SNX27: variants seen among roughly 807,000 people sequenced by gnomAD.
SNX27 encodes the protein sorting nexin-27.
In SNX27, 22 loss-of-function variants were observed where a neutral mutation model predicts 71.6. That is an observed-to-expected ratio of 0.31 (90% CI 0.22 to 0.44). SNX27 has a LOEUF of 0.44. SNX27 is among the 20% of genes least tolerant of loss of function. SNX27 has a pLI of 1.00. For missense variants in SNX27, 531 were observed against 698.6 expected (o/e 0.76, Z 2.70); for synonymous variants, 269 against 277.2 (o/e 0.97, Z 0.29).
At chr1:151,658,936 G>A (rs1571833622) in intron 3 of SNX27, among the ~76,000 whole-genome samples, 2 of 152,058 alleles carry the variant, frequency 1.3e-5, no homozygotes, top group African/African-American at 4.8e-5. Flanking sequence ...CGCCCACCTC[G>A]GCCTCCCAAA....
chr1:151,617,878 G>GTTTT (rs35075644), intron 1 of SNX27, among the ~76,000 whole-genome samples: 1 of 116,386 alleles, frequency 8.6e-6, no homozygotes. Context: ...TTTTAGAGCT[G>GTTTT]TTTTTTTTTT....
At position 151,698,904 on chromosome 1, in the gene SNX27, A is replaced by G. The variant is rs1671912735; in HGVS notation, c.*4487A>G. On this transcript the variant is annotated 3_prime_UTR_variant, in exon 12 of 12. Coordinates refer to ENST00000458013, the MANE Select transcript of SNX27 (RefSeq NM_001330723.2). The stretch of plus-strand genomic sequence containing the variant: ...TTGTATTTTCACTGCAGTATCTTGT[A>G]TTTTTTATTTGTGATTTAAGAAATG... The G allele has an allele frequency of 6.6e-6, 1 of 152,598 alleles. No individual in the cohort carries two copies. The allele number at this position is 152,598 out of a possible 1,614,324, so 9.5% of individuals were successfully genotyped here.
At chr1:151,646,513 GT>G (rs1056158061) in intron 2 of SNX27, among the ~76,000 whole-genome samples, 32 of 148,328 alleles carry the variant, frequency 2.2e-4, no homozygotes, top group Admixed American at 3.4e-4. Flanking sequence ...GGTATAATTT[GT>G]TTTTTTTCTT....
At chr1:151,645,763 G>GT (rs1478916179) in intron 2 of SNX27, among the ~76,000 whole-genome samples, 8 of 152,172 alleles carry the variant, frequency 5.3e-5, no homozygotes. Context: ...GTGCTATTTT[G>GT]TAACTTATGC....
rs746433915 is a variant in SNX27, at chr1:151,612,306, C to T, written c.105C>T (p.Gly35=). The part of the protein sequence containing the change: ...GSGLHCAGNG[G]GGGGGPRVVR... ...GGCTCCACTGCGCCGGGAACGGCGG[C>T]GGGGGAGGCGGCGGCCCGCGGGTCG... Residue 35 remains glycine, a synonymous_variant, in exon 1 of 12, where the codon GGC becomes GGT. Coordinates refer to ENST00000458013, the MANE Select transcript of SNX27 (RefSeq NM_001330723.2). The surrounding 1 kb of genome is among the most constrained non-coding windows in gnomAD (Gnocchi z 5.2). 4.6e-6 allele frequency: 7 copies of T among 1,514,282 alleles called. No individual in the cohort carries two copies. Among genetic ancestry groups the T allele is most frequent in the Non-Finnish European group, 5.3e-6 (6 of 1,134,916 alleles). 93.8% of individuals were successfully genotyped at this position (1,514,282 alleles called of 1,614,324 possible).
At chr1:151,652,657 C>T (rs183462733) in intron 2 of SNX27, among the ~76,000 whole-genome samples, 162 of 152,126 alleles carry the variant, frequency 1.1e-3, no homozygotes, top group Non-Finnish European at 1.9e-3. Flanking sequence ...GTGATCCACC[C>T]GCCTCGACCT....
chr1:151,619,206 T>G (rs1667562975), intron 1 of SNX27, among the ~76,000 whole-genome samples: 1 of 151,952 alleles, frequency 6.6e-6, no homozygotes, highest in South Asian at 2.1e-4. Flanking sequence ...CCACGTGTGG[T>G]GGCGCATGCC....
intron 8 of SNX27, among the ~76,000 whole-genome samples, chr1:151,686,082 C>T (rs550028912): frequency 6.6e-6 from 1 of 152,332 alleles, no homozygotes; most frequent in South Asian, 2.1e-4. Context: ...TCAACTTCTG[C>T]AGTAATCCTT....
At chr1:151,661,504 G>T in intron 4 of SNX27, 1 of 152,342 alleles carries the variant, frequency 6.6e-6, no homozygotes, top group Non-Finnish European at 1.5e-5. Context: ...AATGAAAATG[G>T]ACTTGGTCTG....
In SNX27 at chr1:151,692,406, C is replaced by CTTTTTTTTT. The variant is rs61159507; in HGVS notation, c.1240-11_1240-3dup. ...TAACCCTGTTTCCTGTTTCTCCTTC[C>CTTTTTTTTT]TTTTTTTTTTTTTTTTTTTTTTTTT... is the stretch of plus-strand genomic sequence containing the variant. On this transcript the variant is annotated intron_variant, in intron 8 of 11. Coordinates refer to ENST00000458013, the MANE Select transcript of SNX27 (RefSeq NM_001330723.2). 3.0e-5 allele frequency: 26 copies of CTTTTTTTTT among 854,598 alleles called. 2 individuals carry two copies. The highest frequency in any genetic ancestry group is 7.5e-5 in the South Asian group (4 of 53,310). The allele number at this position is 854,598 out of a possible 1,614,324, so 52.9% of individuals were successfully genotyped here. A position where few individuals can be genotyped will look rare whatever the true frequency, so the allele number is the denominator to read the frequency against.
chr1:151,674,685 ATTGT>A, intron 7 of SNX27, among the ~76,000 whole-genome samples: 1 of 150,508 alleles, frequency 6.6e-6, no homozygotes, highest in East Asian at 2.0e-4. Flanking sequence ...TCAGAATTTG[ATTGT>A]TTCTTTTTTT....
At chr1:151,660,908 G>A (rs376971230) in intron 4 of SNX27, 46 bp downstream of exon 4, 179 of 1,415,456 alleles carry the variant, frequency 1.3e-4, no homozygotes, top group Admixed American at 1.7e-4. Flanking sequence ...TTGGCTCCTT[G>A]TGGGGGAAAA....
chr1:151,696,204 C>T lies in SNX27; in HGVS notation c.*1787C>T, dbSNP rs1049796237. On this transcript the variant is annotated 3_prime_UTR_variant, in exon 12 of 12. Coordinates refer to ENST00000458013, the MANE Select transcript of SNX27 (RefSeq NM_001330723.2). ...GAAGCCAGGGCTAATTGGGGTAGGA[C>T]AATATTCCCAGCCCCTAAGCTCTGT... is the stretch of plus-strand genomic sequence containing the variant. 1 of 152,208 alleles carries T rather than the reference C, an allele frequency of 6.6e-6. No homozygotes were observed. Among genetic ancestry groups the T allele is most frequent in the African/African-American group, 2.4e-5 (1 of 41,440 alleles). The allele number at this position is 152,208 out of a possible 1,614,324, so 9.4% of individuals were successfully genotyped here.
At chr1:151,679,277 C>T (rs1379608584) in intron 7 of SNX27, 1 of 152,064 alleles carries the variant, frequency 6.6e-6, no homozygotes, top group East Asian at 1.9e-4. Flanking sequence ...ATCCCAATTT[C>T]AGAAATGTTA....
chr1:151,693,067 G>C (rs1265434946), intron 10 of SNX27, 28 bp downstream of exon 10: 7 of 1,598,464 alleles, frequency 4.4e-6, no homozygotes, highest in Non-Finnish European at 5.1e-6. Flanking sequence ...AAAGTAACTG[G>C]GACTTAGTTT....
chr1:151,662,115 G>T, intron 4 of SNX27, 51 bp from the exon 5 acceptor site: 2 of 1,268,032 alleles, frequency 1.6e-6, no homozygotes, highest in African/African-American at 1.5e-5. Context: ...GTTACAGGGA[G>T]AGTGAAGATA....
chr1:151,692,797 C>A, intron 9 of SNX27, 114 bp from the exon 10 acceptor site: 1 of 1,447,892 alleles, frequency 6.9e-7, no homozygotes, highest in South Asian at 1.3e-5. Context: ...TTCTCTGAAG[C>A]GATGCAGACA....
At chr1:151,685,272 G>A (rs1671141848) in intron 8 of SNX27, 1 of 152,152 alleles carries the variant, frequency 6.6e-6, no homozygotes, top group African/African-American at 2.4e-5. Flanking sequence ...GTGACCATCT[G>A]TATCATTTTC....
Position 151,683,339 on chromosome 1 carries a change from T to G in SNX27, c.1150-17T>G, listed in dbSNP as rs745683531. ...ATTTTTACACTCCTTTCTGCTCTAC[T>G]TCTGTTTTGGTGATAGGCAGTCGAT... On this transcript the variant is annotated splice_polypyrimidine_tract_variant and intron_variant, in intron 7 of 11. Coordinates refer to ENST00000458013, the MANE Select transcript of SNX27 (RefSeq NM_001330723.2). 6.3e-7 allele frequency: 1 copy of G among 1,598,278 alleles called. No homozygotes were observed.
Sources: allele counts gnomAD v4.1 joint callset (sites outside exome capture counted in the v4.1 genomes callset), GRCh38; gene constraint gnomAD v4.1.1; non-coding constraint Gnocchi (gnomAD v3.1); transcripts MANE v1.5; gene names NCBI Gene and HGNC (gene_info 2026-07-23, HGNC 2026-07-21).